Variants in ACSL1 observed in about 807,000 individuals in gnomAD.
The protein encoded by ACSL1 is long-chain-fatty-acid--CoA ligase 1.
ACSL1 carries 41 observed loss-of-function variants against 98.4 expected under a neutral mutation model. That is an observed-to-expected ratio of 0.42 (90% CI 0.32 to 0.54). ACSL1 has a LOEUF of 0.54. ACSL1 is among the 20% of genes least tolerant of loss of function. The probability of loss-of-function intolerance (pLI) is 0.13; values close to 1 mark genes in which losing one functional copy is unlikely to be tolerated. For synonymous variants in ACSL1, 316 were observed against 322.7 expected, an observed-to-expected ratio of 0.98 and a Z score of 0.22; for missense variants, 734 against 883.1, an observed-to-expected ratio of 0.83 and a Z score of 2.14.
In ACSL1 at chr4:184,776,565, A is replaced by C. The variant is rs555136990; in HGVS notation, c.675T>G (p.Val225=). 144 of 1,614,186 alleles carry C rather than the reference A, an allele frequency of 8.9e-5. No homozygotes were observed. In the Admixed American group the frequency reaches 2.3e-3, roughly 26 times the overall value. ...NKLIPGLKII[V]VMDAYGSELV... ...GTTCACTGCCGTAGGCATCCATGAC[A>C]ACTATGATTTTAAGGCCTGGTATTA... Residue 225 remains valine (V), a synonymous_variant, in exon 7 of 21, where the codon GTT becomes GTG. Coordinates refer to ENST00000281455, the MANE Select transcript of ACSL1 (RefSeq NM_001995.5).
At position 184,803,285 on chromosome 4, in the gene ACSL1, G is replaced by C. The variant is rs1356379412; in HGVS notation, c.195+35C>G. 6.7e-7 allele frequency: 1 copy of C among 1,489,634 alleles called. No homozygotes were observed. The highest frequency in any genetic ancestry group is 2.4e-5 in the East Asian group (1 of 41,962). The allele number at this position is 1,489,634 out of a possible 1,614,324, so 92.3% of individuals were successfully genotyped here. ...CTCAGCTCATCTGGGGAAATGCGGA[G>C]AAAACGCACGAGGCAGGCTGGGCCC... is the stretch of plus-strand genomic sequence containing the variant. On this transcript the variant is annotated intron_variant, in intron 2 of 20. Transcript: ENST00000281455. This position sits in a 1 kb window ranked among gnomAD's most constrained non-coding sequence, Gnocchi z 4.8.
intron 2 of ACSL1, among the ~76,000 whole-genome samples, chr4:184,801,444 C>T (rs866983248): frequency 7.6e-4 from 116 of 152,268 alleles, no homozygotes; most frequent in African/African-American, 2.6e-3. Context: ...TATTCCACTC[C>T]GGCCACCAGC....
At chr4:184,817,351 G>A (rs778597673) in intron 1 of ACSL1, among the ~76,000 whole-genome samples, 6 of 152,090 alleles carry the variant, frequency 3.9e-5, no homozygotes, top group Non-Finnish European at 8.8e-5. Flanking sequence ...CCATATACAA[G>A]TATTTTCTGA....
chr4:184,775,811 T>A (rs931673653), intron 7 of ACSL1, among the ~76,000 whole-genome samples: 1 of 152,268 alleles, frequency 6.6e-6, no homozygotes, highest in African/African-American at 2.4e-5. Context: ...TCTGTTTTCC[T>A]ATGACTTGTT....
chr4:184,776,538 C>T lies in ACSL1; in HGVS notation c.702G>A (p.Leu234=). The change falls in exon 7 of 21, where the codon CTG becomes CTA. Residue 234 remains leucine (L), a synonymous_variant. Transcript: ENST00000281455. The part of the protein sequence containing the change: ...IVVMDAYGSE[L]VERGQRCGVE... ...CCCCACACCTCTGGCCTCGTTCCAC[C>T]AGTTCACTGCCGTAGGCATCCATGA... 1 of 1,614,166 alleles carries T rather than the reference C, an allele frequency of 6.2e-7. No individual in the cohort carries two copies. The highest frequency in any genetic ancestry group is 8.5e-7 in the Non-Finnish European group (1 of 1,179,994).
At chr4:184,796,899 C>T (rs971586930) in intron 2 of ACSL1, among the ~76,000 whole-genome samples, 5 of 152,208 alleles carry the variant, frequency 3.3e-5, no homozygotes, top group Admixed American at 6.5e-5. Context: ...TTGTCCCTGC[C>T]TCTCAGCGTT....
intron 2 of ACSL1, among the ~76,000 whole-genome samples, chr4:184,790,394 A>G (rs1768141347): frequency 6.6e-6 from 1 of 152,194 alleles, no homozygotes; most frequent in South Asian, 2.1e-4. Flanking sequence ...ACATTTATAG[A>G]CATTCTGTCA....
intron 15 of ACSL1, among the ~76,000 whole-genome samples, chr4:184,764,462 A>G (rs2150282909): frequency 6.6e-6 from 1 of 152,348 alleles, no homozygotes; most frequent in Non-Finnish European, 1.5e-5. Flanking sequence ...CACCTAGCAC[A>G]GCACACAGTA....
rs1773422096 is a variant in ACSL1 at position 184,825,657 on chromosome 4, C to A, written c.-33+259G>T. Among the ~76,000 whole-genome samples the A allele has an allele frequency of 6.7e-6, 1 of 150,090 alleles. No homozygotes were observed. Among genetic ancestry groups the A allele is most frequent in the Non-Finnish European group, 1.5e-5 (1 of 67,156 alleles). On this transcript the variant is annotated intron_variant, in intron 1 of 20. Coordinates refer to ENST00000281455, the MANE Select transcript of ACSL1 (RefSeq NM_001995.5). This position sits in a 1 kb window ranked among gnomAD's most constrained non-coding sequence, Gnocchi z 4.7. ...TCCCCGGCCGCGCACCAGCCCCGCG[C>A]CCGCGCCGCCCGCGACTCAGACACA...
Position 184,825,909 on chromosome 4 carries a change from C to T in ACSL1, c.-33+7G>A, listed in dbSNP as rs1470277748. On this transcript the variant is annotated splice_region_variant and intron_variant, in intron 1 of 20. Transcript: ENST00000281455. This position sits in a 1 kb window ranked among gnomAD's most constrained non-coding sequence, Gnocchi z 4.7. ...CAGGCGCGGCTCCGCACGGCGGGCG[C>T]ACTCACCTCCTCCGTGGACCGGCCG... The T allele has an allele frequency of 6.7e-6, 1 of 148,424 alleles. No homozygotes were observed. Among genetic ancestry groups the T allele is most frequent in the African/African-American group, 2.4e-5 (1 of 41,070 alleles). 9.2% of individuals were successfully genotyped at this position (148,424 alleles called of 1,614,324 possible).
intron 2 of ACSL1, among the ~76,000 whole-genome samples, chr4:184,797,425 C>T (rs1054387319): frequency 6.6e-6 from 1 of 152,188 alleles, no homozygotes; most frequent in African/African-American, 2.4e-5. Flanking sequence ...ACGGGGAAAT[C>T]CTACTTGGTA....
chr4:184,773,796 T>C lies in ACSL1; in HGVS notation c.789+47A>G, dbSNP rs1317511623. 1 of 1,613,762 alleles carries C rather than the reference T, an allele frequency of 6.2e-7. No homozygotes were observed. The highest frequency in any genetic ancestry group is 1.1e-5 in the South Asian group (1 of 91,044). ...AGCCACAAGGTACCAGGCTAGATAT[T>C]GAAAACTACAAAGAGGACAGAGCAG... is the stretch of plus-strand genomic sequence containing the variant. On this transcript the variant is annotated intron_variant, in intron 8 of 20. Coordinates refer to ENST00000281455, the MANE Select transcript of ACSL1 (RefSeq NM_001995.5). The surrounding 1 kb of genome is among the most constrained non-coding windows in gnomAD (Gnocchi z 4.3).
chr4:184,814,980 T>A (rs973792274), intron 1 of ACSL1: 1 of 455,670 alleles, frequency 2.2e-6, no homozygotes, highest in African/African-American at 2.0e-5. Flanking sequence ...TCAGAAAGCC[T>A]GAGGATAAAA....
Position 184,757,808 on chromosome 4 carries a change from C to T in ACSL1, c.1884+11G>A. ...TATGATGAGGACAGACTGGACCCTT[C>T]AGAACCTTACCTTATTTCTGCACAG... On this transcript the variant is annotated intron_variant, in intron 19 of 20. Transcript: ENST00000281455. The surrounding 1 kb of genome is among the most constrained non-coding windows in gnomAD (Gnocchi z 4.5). 6.2e-7 allele frequency: 1 copy of T among 1,613,938 alleles called. No homozygotes were observed. The highest frequency in any genetic ancestry group is 8.5e-7 in the Non-Finnish European group (1 of 1,179,810).
chr4:184,802,621 T>G lies in ACSL1; in HGVS notation c.195+699A>C, dbSNP rs556069690. On this transcript the variant is annotated intron_variant, in intron 2 of 20. Coordinates refer to ENST00000281455, the MANE Select transcript of ACSL1 (RefSeq NM_001995.5). The stretch of plus-strand genomic sequence containing the variant: ...GGGAAGGCAGGGAGAGCAGGAGCAC[T>G]AAGAATCTTCCTGAAAGGATCCTAA... 1.6e-4 allele frequency among the ~76,000 whole-genome samples: 25 copies of G among 152,264 alleles called. No homozygotes were observed. In the South Asian group the frequency reaches 4.4e-3, roughly 27 times the overall value.
In ACSL1 at chr4:184,803,521, G is replaced by A; in HGVS notation, c.-7C>T. ...ACAGCTCATGGGCTTGCATTGTCCTGTGTTGATAGTTCTCTAAGCTGAATT... is the reference window on the plus strand; with the variant it reads ...ACAGCTCATGGGCTTGCATTGTCCTATGTTGATAGTTCTCTAAGCTGAATT... On this transcript the variant is annotated 5_prime_UTR_variant, in exon 2 of 21. Coordinates refer to ENST00000281455, the MANE Select transcript of ACSL1 (RefSeq NM_001995.5). This position sits in a 1 kb window ranked among gnomAD's most constrained non-coding sequence, Gnocchi z 4.8. 1 of 1,520,536 alleles carries A rather than the reference G, an allele frequency of 6.6e-7. No individual in the cohort carries two copies. The highest frequency in any genetic ancestry group is 8.9e-7 in the Non-Finnish European group (1 of 1,129,370). 94.2% of individuals were successfully genotyped at this position (1,520,536 alleles called of 1,614,324 possible). A position where few individuals can be genotyped will look rare whatever the true frequency, so the allele number is the denominator to read the frequency against.
At chr4:184,784,925 C>T (rs1766957491) in intron 3 of ACSL1, among the ~76,000 whole-genome samples, 1 of 152,194 alleles carries the variant, frequency 6.6e-6, no homozygotes, top group African/African-American at 2.4e-5. Context: ...CTGTAACAAG[C>T]ACCATACAAG....
At chr4:184,783,420 T>C (rs1437321339) in intron 4 of ACSL1, among the ~76,000 whole-genome samples, 1 of 152,152 alleles carries the variant, frequency 6.6e-6, no homozygotes, top group South Asian at 2.1e-4. Flanking sequence ...AAGGACAGCT[T>C]TGAGGGTCAG....
intron 1 of ACSL1, chr4:184,821,277 T>C (rs1773052281): frequency 8.5e-6 from 3 of 353,454 alleles, no homozygotes; most frequent in South Asian, 4.1e-5. Flanking sequence ...CTCATGACTC[T>C]GCTTAATAAA....
Sources: allele counts gnomAD v4.1 joint callset (sites outside exome capture counted in the v4.1 genomes callset), GRCh38; gene constraint gnomAD v4.1.1; non-coding constraint Gnocchi (gnomAD v3.1); transcripts MANE v1.5; gene names NCBI Gene and HGNC (gene_info 2026-07-23, HGNC 2026-07-21).